The following CCDC13 variants were observed in gnomAD, a reference collection of about 807,000 sequenced individuals.
CCDC13 encodes coiled-coil domain-containing protein 13.
CCDC13 carries 70 observed loss-of-function variants against 87.3 expected under a neutral mutation model. The observed-to-expected ratio is 0.80, with a 90% CI of 0.66 to 0.98. CCDC13 has a LOEUF of 0.98. Ranked by LOEUF, CCDC13 falls within the 50% of genes least tolerant of loss-of-function variation. The pLI, the probability that CCDC13 is intolerant of heterozygous loss-of-function variation, is 0.00. For synonymous variants in CCDC13, 317 were observed against 360.3 expected (o/e 0.88, Z 1.36); for missense variants, 842 against 892.0 (o/e 0.94, Z 0.71).
intron 1 of CCDC13, chr3:42,770,597 A>T (rs1487129754): frequency 6.6e-6 from 1 of 152,312 alleles, no homozygotes; most frequent in South Asian, 2.1e-4. Context: ...CCCAGGCAGC[A>T]GTGGCAACCT....
chr3:42,741,829 C>T (rs1699229942), intron 8 of CCDC13, among the ~76,000 whole-genome samples: 1 of 152,230 alleles, frequency 6.6e-6, no homozygotes, highest in Admixed American at 6.5e-5. Context: ...AGGCCCTGTC[C>T]ACTTCTGTGG....
chr3:42,733,014 C>G, intron 11 of CCDC13, 44 bp from the exon 12 acceptor site: 10 of 1,516,174 alleles, frequency 6.6e-6, no homozygotes, highest in Non-Finnish European at 8.0e-6. Flanking sequence ...GAAGGCAGAC[C>G]AGGCCCTACT....
Position 42,747,312 on chromosome 3 carries a change from C to A in CCDC13, c.665G>T (p.Ser222Ile). The stretch of plus-strand genomic sequence containing the variant: ...AGACTGGATCTGGTTTCGGAGGTCA[C>A]TCATCTTCAAGTTGGTGGCCACCAG... ...DRLVATNLKM[S>I]DLRNQIQSVK... Residue 222 changes from serine (S) to isoleucine (I), a missense_variant, in exon 6 of 16, where the codon AGT becomes ATT. Physicochemically the swap from Ser to Ile is moderately radical, Grantham distance 142. Transcript: ENST00000310232. The A allele has an allele frequency of 6.2e-7, 1 of 1,614,142 alleles. No homozygotes were observed.
In CCDC13 at chr3:42,713,228, C is replaced by G. The variant is rs1409097076; in HGVS notation, c.1807G>C (p.Glu603Gln). Reference protein sequence around the residue: ...HRTVVLEQHLEKIRLEPGKAS... With the variant: ...HRTVVLEQHLQKIRLEPGKAS... ...TTCCCTGGCTCCAGGCGTATCTTCT[C>G]CAGATGTTGCTCCAGCACCACGGTG... is the stretch of plus-strand genomic sequence containing the variant. The change falls in exon 14 of 16, where the codon GAG (glutamate) becomes CAG (glutamine). Residue 603 changes from glutamate (E) to glutamine (Q), a missense_variant. Glu to Gln is a conservative substitution (Grantham distance 29, BLOSUM62 2). Transcript: ENST00000310232. 3 of 1,614,074 alleles carry G rather than the reference C, an allele frequency of 1.9e-6. No individual in the cohort carries two copies. The highest frequency in any genetic ancestry group is 1.7e-6 in the Non-Finnish European group (2 of 1,180,036).
intron 13 of CCDC13, among the ~76,000 whole-genome samples, chr3:42,716,464 T>A (rs1219756704): frequency 6.6e-6 from 1 of 151,968 alleles, no homozygotes; most frequent in Non-Finnish European, 1.5e-5. Flanking sequence ...AATAAAAAAT[T>A]TCCAAAAAAC....
intron 10 of CCDC13, 85 bp from the exon 11 acceptor site, chr3:42,733,694 G>C: frequency 1.3e-6 from 2 of 1,490,206 alleles, no homozygotes; most frequent in Non-Finnish European, 1.8e-6. Context: ...CTTGATTTCG[G>C]GGCTTTCAGA....
rs1056253219 is a variant in CCDC13, at chr3:42,709,550, C to A, written c.1988+134G>T. The A allele has an allele frequency of 7.8e-5, 56 of 719,284 alleles. No individual in the cohort carries two copies. In the South Asian group the frequency reaches 7.9e-4, roughly 10 times the overall value. 44.6% of individuals were successfully genotyped at this position (719,284 alleles called of 1,614,324 possible). A position where few individuals can be genotyped will look rare whatever the true frequency, so the allele number is the denominator to read the frequency against. On this transcript the variant is annotated intron_variant, in intron 15 of 15. Coordinates refer to ENST00000310232, the MANE Select transcript of CCDC13 (RefSeq NM_144719.4). ...CAGTCCCTGAATTGCAGGCCTAGAA[C>A]CCAGGACCAAACAGGACAAGCCTTC...
At chr3:42,753,075 A>T (rs1049161294) in intron 3 of CCDC13, among the ~76,000 whole-genome samples, 3 of 152,260 alleles carry the variant, frequency 2.0e-5, no homozygotes, top group African/African-American at 7.2e-5. Flanking sequence ...AGCAGGATGT[A>T]GTCCCCTTGG....
chr3:42,724,197 A>C (rs749300825), intron 13 of CCDC13, among the ~76,000 whole-genome samples: 9 of 152,218 alleles, frequency 5.9e-5, no homozygotes, highest in Non-Finnish European at 1.0e-4. Context: ...ATTCCCACAA[A>C]ATTTTAGGAA....
chr3:42,727,303 C>A (rs753982576), intron 13 of CCDC13, among the ~76,000 whole-genome samples: 1 of 151,872 alleles, frequency 6.6e-6, no homozygotes, highest in Admixed American at 6.6e-5. Context: ...ACCTGGGAGG[C>A]GGAGGTTGCA....
chr3:42,752,009 G>C lies in CCDC13; in HGVS notation c.530C>G (p.Thr177Ser). The change falls in exon 5 of 16, where the codon ACC (threonine) becomes AGC (serine). Residue 177 changes from threonine (T) to serine (S), a missense_variant. Physicochemically the swap from Thr to Ser is moderately conservative, Grantham distance 58 (BLOSUM62 1). Transcript: ENST00000310232. ...ELERELQTAL[T>S]RLSAKGATDA... is the part of the protein sequence containing the mutation. ...GGTGGCCCCCTTGGCTGACAGCCTG[G>C]TCAGGGCTGTCTGCAGCTGAAAAAG... 1 of 1,607,342 alleles carries C rather than the reference G, an allele frequency of 6.2e-7. No individual in the cohort carries two copies. Among genetic ancestry groups the C allele is most frequent in the Non-Finnish European group, 8.5e-7 (1 of 1,179,988 alleles).
intron 13 of CCDC13, among the ~76,000 whole-genome samples, chr3:42,719,839 G>A (rs1191929259): frequency 6.6e-6 from 1 of 152,160 alleles, no homozygotes; most frequent in Admixed American, 6.5e-5. Context: ...TGTGTGTGAT[G>A]TTTATACATG....
intron 13 of CCDC13, among the ~76,000 whole-genome samples, chr3:42,729,634 C>A (rs183463168): frequency 1.1e-4 from 17 of 152,346 alleles, no homozygotes; most frequent in Admixed American, 4.6e-4. Context: ...TTTGGCCATG[C>A]CATTTCAGTG....
Position 42,713,211 on chromosome 3 carries a change from C to T in CCDC13, c.1824G>A (p.Glu608=). The T allele has an allele frequency of 6.2e-7, 1 of 1,614,218 alleles. No individual in the cohort carries two copies. Among genetic ancestry groups the T allele is most frequent in the Non-Finnish European group, 8.5e-7 (1 of 1,180,036 alleles). ...TCTGGGAGGCTGATGCCTTCCCTGG[C>T]TCCAGGCGTATCTTCTCCAGATGTT... ...LEQHLEKIRL[E]PGKASASQRA... is the part of the protein sequence containing the mutation. The change falls in exon 14 of 16, where the codon GAG becomes GAA. Residue 608 remains glutamate, a synonymous_variant. Coordinates refer to ENST00000310232, the MANE Select transcript of CCDC13 (RefSeq NM_144719.4).
intron 13 of CCDC13, among the ~76,000 whole-genome samples, chr3:42,722,858 A>G (rs6807878): frequency 0.51 from 72,682 of 143,104 alleles, 18,350 homozygotes; most frequent in African/African-American, 0.61. Flanking sequence ...GTGCAGTGGC[A>G]CTATCTCGGC....
chr3:42,713,127 A>AC, intron 14 of CCDC13, 35 bp downstream of exon 14: 1 of 1,602,398 alleles, frequency 6.2e-7, no homozygotes, highest in Non-Finnish European at 8.5e-7. Context: ...CACTGCCTCC[A>AC]CCCCCTGCAC....
At chr3:42,761,698 C>T (rs1339583732) in intron 1 of CCDC13, among the ~76,000 whole-genome samples, 4 of 152,172 alleles carry the variant, frequency 2.6e-5, no homozygotes, top group Non-Finnish European at 5.9e-5. Context: ...AGCAGATGCC[C>T]CTTAGCCACA....
intron 13 of CCDC13, among the ~76,000 whole-genome samples, chr3:42,720,090 G>T (rs1180035836): frequency 6.6e-6 from 1 of 152,076 alleles, no homozygotes; most frequent in African/African-American, 2.4e-5. Flanking sequence ...TTTGAAAATT[G>T]TTCAATTTAC....
chr3:42,757,107 T>C lies in CCDC13; in HGVS notation c.329A>G (p.His110Arg), dbSNP rs1352960467. The change falls in exon 3 of 16, where the codon CAC (histidine) becomes CGC (arginine). Residue 110 changes from histidine to arginine, a missense_variant. By Grantham distance (29) the His-to-Arg change is conservative. Coordinates refer to ENST00000310232, the MANE Select transcript of CCDC13 (RefSeq NM_144719.4). ...LLKERDFEIK[H>R]LKKKIEEDRF... ...GTCCTCTTCTATTTTCTTTTTGAGG[T>C]GTTTGATTTCAAAGTCCCTTTCCTT... 2 of 1,614,198 alleles carry C rather than the reference T, an allele frequency of 1.2e-6. No individual in the cohort carries two copies. The highest frequency in any genetic ancestry group is 1.7e-6 in the Non-Finnish European group (2 of 1,180,026).
Sources: gnomAD v4.1 joint callset for allele counts (sites outside exome capture counted in the v4.1 genomes callset) on GRCh38, gnomAD v4.1.1 for gene constraint, MANE v1.5 for transcripts, NCBI Gene and HGNC (gene_info 2026-07-23, HGNC 2026-07-21) for gene names.